The following MINDY4 variants were observed in gnomAD, a reference collection of about 807,000 sequenced individuals.
The protein encoded by MINDY4 is probable ubiquitin carboxyl-terminal hydrolase MINDY-4.
In MINDY4, 68 loss-of-function variants were observed where a neutral mutation model predicts 87.0. The observed-to-expected ratio is 0.78, with a 90% confidence interval of 0.64 to 0.96. The LOEUF (loss-of-function observed/expected upper bound fraction) is 0.96. Among genes scored for constraint, MINDY4 ranks in the 40% least tolerant of loss-of-function variants. The pLI is 0.00. For missense variants in MINDY4, 919 were observed against 928.2 expected (o/e 0.99, Z 0.13); for synonymous variants, 379 against 363.2 (o/e 1.04, Z -0.50).
intron 3 of MINDY4, among the ~76,000 whole-genome samples, chr7:30,783,138 G>A (rs192151018): frequency 6.6e-4 from 101 of 152,268 alleles, no homozygotes; most frequent in Middle Eastern, 3.4e-3. Context: ...GGTGTTAGCA[G>A]GCCTGGTTCT....
chr7:30,773,343 C>A (rs1403720762), intron 1 of MINDY4, among the ~76,000 whole-genome samples: 1 of 152,164 alleles, frequency 6.6e-6, no homozygotes, highest in East Asian at 1.9e-4. Flanking sequence ...TATTGTGAGA[C>A]CAGGAGGCCA....
At chr7:30,882,421 C>A in intron 16 of MINDY4, 60 bp downstream of exon 16, 2 of 1,349,714 alleles carry the variant, frequency 1.5e-6, no homozygotes, top group South Asian at 3.0e-5. Flanking sequence ...CCAGGCTGGT[C>A]ACAGAAACCA....
intron 15 of MINDY4, among the ~76,000 whole-genome samples, chr7:30,881,844 A>G (rs1385974960): frequency 1.3e-5 from 2 of 152,120 alleles, no homozygotes; most frequent in African/African-American, 4.8e-5. Context: ...GGCTGAGTAG[A>G]TCTCAGGAGG....
intron 9 of MINDY4, among the ~76,000 whole-genome samples, chr7:30,847,650 G>A (rs1789264124): frequency 1.3e-5 from 2 of 152,180 alleles, no homozygotes; most frequent in Non-Finnish European, 2.9e-5. Flanking sequence ...ACAATTTGAT[G>A]AAATAACATG....
intron 3 of MINDY4, among the ~76,000 whole-genome samples, chr7:30,782,721 A>AT (rs1787043905): frequency 6.6e-6 from 1 of 151,832 alleles, no homozygotes; most frequent in South Asian, 2.1e-4. Context: ...GAAAAAAAAA[A>AT]GTTTATTTTA....
At chr7:30,834,563 G>A (rs1739096273) in intron 6 of MINDY4, among the ~76,000 whole-genome samples, 1 of 152,210 alleles carries the variant, frequency 6.6e-6, no homozygotes, top group Non-Finnish European at 1.5e-5. Flanking sequence ...ATTGTCTTGT[G>A]GATTAACATT....
At chr7:30,852,897 C>T (rs1020112901) in intron 11 of MINDY4, among the ~76,000 whole-genome samples, 4 of 152,182 alleles carry the variant, frequency 2.6e-5, no homozygotes, top group African/African-American at 9.7e-5. Context: ...CTGAGGGTCT[C>T]GCATTGTTGA....
chr7:30,811,736 G>A (rs6956593), intron 5 of MINDY4, among the ~76,000 whole-genome samples: 3,091 of 152,246 alleles, frequency 0.02, 102 homozygotes, highest in African/African-American at 0.071. Flanking sequence ...TCCCTGTCCT[G>A]TTCTGTTCCG....
At chr7:30,885,002 T>C (rs1181858809) in intron 17 of MINDY4, among the ~76,000 whole-genome samples, 1 of 152,242 alleles carries the variant, frequency 6.6e-6, no homozygotes, top group East Asian at 1.9e-4. Flanking sequence ...AGAGGCTGCA[T>C]GATTTGGGCC....
At chr7:30,869,055 A>G (rs1470047429) in intron 13 of MINDY4, among the ~76,000 whole-genome samples, 1 of 152,164 alleles carries the variant, frequency 6.6e-6, no homozygotes, top group African/African-American at 2.4e-5. Flanking sequence ...AGTGCAGGAC[A>G]GCTTCCATTT....
intron 5 of MINDY4, among the ~76,000 whole-genome samples, chr7:30,794,078 C>G (rs1284848131): frequency 6.6e-6 from 1 of 152,190 alleles, no homozygotes; most frequent in Non-Finnish European, 1.5e-5. Context: ...CTCTCTCTCA[C>G]TGCCTCAGCG....
At chr7:30,842,249 T>TCG (rs1789063773) in intron 9 of MINDY4, among the ~76,000 whole-genome samples, 1 of 152,214 alleles carries the variant, frequency 6.6e-6, no homozygotes, top group Non-Finnish European at 1.5e-5. Flanking sequence ...CCCCTCCCCT[T>TCG]TGCTCTCCGG....
chr7:30,831,926 A>G (rs1333983943), intron 6 of MINDY4, among the ~76,000 whole-genome samples: 1 of 152,238 alleles, frequency 6.6e-6, no homozygotes, highest in Non-Finnish European at 1.5e-5. Flanking sequence ...CCTTAGAAAT[A>G]GCATTCTCAA....
chr7:30,871,700 C>A (rs546826409), intron 13 of MINDY4, among the ~76,000 whole-genome samples: 2 of 152,318 alleles, frequency 1.3e-5, no homozygotes, highest in South Asian at 2.1e-4. Flanking sequence ...GCAAGACATC[C>A]CTTTTCTGAG....
intron 5 of MINDY4, among the ~76,000 whole-genome samples, chr7:30,812,280 G>C (rs1052790022): frequency 1.7e-5 from 2 of 120,282 alleles, no homozygotes; most frequent in Non-Finnish European, 3.7e-5. Flanking sequence ...GAGGGGGGGG[G>C]GGTATGTATG....
intron 5 of MINDY4, among the ~76,000 whole-genome samples, chr7:30,808,829 C>T (rs1288416347): frequency 2.6e-5 from 4 of 151,880 alleles, no homozygotes; most frequent in African/African-American, 7.3e-5. Flanking sequence ...CTCCCCACCC[C>T]GCACAATGGC....
chr7:30,858,126 A>T (rs1244467554), intron 12 of MINDY4: 3 of 151,936 alleles, frequency 2.0e-5, no homozygotes, highest in Non-Finnish European at 4.4e-5. Flanking sequence ...GTCACAGTTC[A>T]TGGTTTCCAA....
At chr7:30,815,667 A>G (rs1314138355) in intron 5 of MINDY4, among the ~76,000 whole-genome samples, 5 of 152,180 alleles carry the variant, frequency 3.3e-5, no homozygotes, top group Admixed American at 2.6e-4. Flanking sequence ...CATAGAGATC[A>G]CTTTTCCTTC....
At chr7:30,794,616 G>T (rs556013122) in intron 5 of MINDY4, among the ~76,000 whole-genome samples, 11 of 152,332 alleles carry the variant, frequency 7.2e-5, no homozygotes, top group Admixed American at 1.3e-4. Flanking sequence ...CTGACTCCGG[G>T]AGCTGAAGGG....
Sources: gnomAD v4.1 joint callset for allele counts (sites outside exome capture counted in the v4.1 genomes callset) on GRCh38, gnomAD v4.1.1 for gene constraint, MANE v1.5 for transcripts, NCBI Gene and HGNC (gene_info 2026-07-23, HGNC 2026-07-21) for gene names.